CHMP3: variants seen among roughly 807,000 people sequenced by gnomAD.
CHMP3 encodes charged multivesicular body protein 3.
In CHMP3, 8 loss-of-function variants were observed where a neutral mutation model predicts 27.4. The observed-to-expected ratio is 0.29, with a 90% CI of 0.17 to 0.53. The LOEUF is 0.53. CHMP3 is among the 20% of genes least tolerant of loss of function. The pLI is 0.96. For missense variants in CHMP3, 208 were observed against 271.5 expected (o/e 0.77, Z 1.64); for synonymous variants, 86 against 85.5 (o/e 1.01, Z -0.03).
At chr2:86,524,847 T>C (rs1370116009) in intron 3 of CHMP3, among the ~76,000 whole-genome samples, 1 of 152,234 alleles carries the variant, frequency 6.6e-6, no homozygotes, top group East Asian at 1.9e-4. Context: ...ATATGCTTAA[T>C]ATTTCCATAA....
At chr2:86,510,277 C>CCCCCCCA in intron 4 of CHMP3, 81 bp downstream of exon 4, 10 of 1,118,940 alleles carry the variant, frequency 8.9e-6, no homozygotes, top group South Asian at 1.3e-5. Context: ...CATCCCCACC[C>CCCCCCCA]ACCCTCATCC....
chr2:86,554,816 C>CGTGTGTGTGT (rs70956121), intron 1 of CHMP3, among the ~76,000 whole-genome samples: 87 of 145,422 alleles, frequency 6.0e-4, no homozygotes, highest in Middle Eastern at 3.5e-3. Flanking sequence ...TGTGTGCGCG[C>CGTGTGTGTGT]GTGTGTGTGT....
chr2:86,506,538 T>C (rs146000419), intron 5 of CHMP3, among the ~76,000 whole-genome samples: 1 of 152,310 alleles, frequency 6.6e-6, no homozygotes, highest in Non-Finnish European at 1.5e-5. Context: ...AACGAGTATA[T>C]TTCTATACCA....
At chr2:86,554,560 G>C (rs1459525642) in intron 1 of CHMP3, among the ~76,000 whole-genome samples, 1 of 152,152 alleles carries the variant, frequency 6.6e-6, no homozygotes, top group Admixed American at 6.5e-5. Context: ...AAGTGCTAGA[G>C]AAGAATATAA....
chr2:86,510,683 A>G, intron 3 of CHMP3: 1 of 659,226 alleles, frequency 1.5e-6, no homozygotes, highest in Non-Finnish European at 2.4e-6. Context: ...ACTGATGTGA[A>G]TTCAATGAGC....
At chr2:86,562,052 A>T (rs548264699) in intron 1 of CHMP3, 1 of 152,336 alleles carries the variant, frequency 6.6e-6, no homozygotes, top group South Asian at 2.1e-4. Flanking sequence ...TTATACCGTT[A>T]TTTCATTTAA....
Position 86,505,814 on chromosome 2 carries a change from A to C in CHMP3, c.659T>G (p.Leu220Arg), listed in dbSNP as rs1432424342. 5 of 1,585,246 alleles carry C rather than the reference A, an allele frequency of 3.2e-6. No individual in the cohort carries two copies. The East Asian group carries it at 1.2e-4, about 37-fold the overall frequency. The change falls in exon 6 of 6, where the codon CTC becomes CGC. Residue 220 changes from leucine (L) to arginine (R), a missense_variant. Coordinates refer to ENST00000263856, the MANE Select transcript of CHMP3 (RefSeq NM_016079.4). ...LEAMQSRLAT[L>R]RS ...CGGGGTAGGCAGCCCCTAGCTGCGGAGTGTGGCCAGCCGGGACTGCATGGC... is the reference window on the plus strand; with the variant it reads ...CGGGGTAGGCAGCCCCTAGCTGCGGCGTGTGGCCAGCCGGGACTGCATGGC...
intron 1 of CHMP3, among the ~76,000 whole-genome samples, chr2:86,560,491 T>A (rs1677307982): frequency 6.6e-6 from 1 of 151,278 alleles, no homozygotes; most frequent in Non-Finnish European, 1.5e-5. Context: ...TTCTCACTCA[T>A]AAGTGGGAAT....
intron 2 of CHMP3, among the ~76,000 whole-genome samples, chr2:86,538,460 C>T (rs1213702002): frequency 6.6e-6 from 1 of 152,064 alleles, no homozygotes; most frequent in Non-Finnish European, 1.5e-5. Flanking sequence ...AAATCAGCAG[C>T]AAGACTAGTA....
At chr2:86,530,651 T>TC (rs1172697219) in intron 2 of CHMP3, among the ~76,000 whole-genome samples, 2 of 152,206 alleles carry the variant, frequency 1.3e-5, no homozygotes, top group Non-Finnish European at 2.9e-5. Context: ...TGTACAAATG[T>TC]CTTTGAGACC....
chr2:86,534,512 CCT>C (rs1325279747), intron 2 of CHMP3, among the ~76,000 whole-genome samples: 2 of 152,112 alleles, frequency 1.3e-5, no homozygotes, highest in Admixed American at 1.3e-4. Flanking sequence ...CTTCAAGTCC[CCT>C]GTTTTCCTAC....
chr2:86,546,439 T>C (rs1252574589), intron 1 of CHMP3, among the ~76,000 whole-genome samples: 1 of 122,594 alleles, frequency 8.2e-6, no homozygotes, highest in African/African-American at 3.1e-5. Flanking sequence ...GAAGTTGGAC[T>C]TTTTTTTTTT....
intron 3 of CHMP3, among the ~76,000 whole-genome samples, chr2:86,522,668 T>G (rs911622522): frequency 6.6e-6 from 1 of 152,190 alleles, no homozygotes; most frequent in Non-Finnish European, 1.5e-5. Flanking sequence ...TTCTTCTGTC[T>G]TCTACTCCAT....
chr2:86,529,377 TTTC>T lies in CHMP3; in HGVS notation c.124_126del (p.Glu42del), dbSNP rs754346417. The T allele has an allele frequency of 3.1e-6, 5 of 1,600,688 alleles. No homozygotes were observed. Among genetic ancestry groups the T allele is most frequent in the Non-Finnish European group, 4.3e-6 (5 of 1,175,490 alleles). ...GCATCTTTCACAGATCGTTTCACTT[TTTC>T]TTCTTCTCTTTGGATATCTAAATTT... On this transcript the variant is annotated inframe_deletion, in exon 3 of 6. Transcript: ENST00000263856.
intron 2 of CHMP3, among the ~76,000 whole-genome samples, chr2:86,541,739 G>A (rs1412277799): frequency 1.3e-5 from 2 of 152,060 alleles, no homozygotes; most frequent in Admixed American, 6.6e-5. Context: ...GGCTGGGAGT[G>A]GAATTTCCCT....
chr2:86,534,965 A>G (rs551338771), intron 2 of CHMP3, among the ~76,000 whole-genome samples: 3 of 152,268 alleles, frequency 2.0e-5, no homozygotes, highest in African/African-American at 7.2e-5. Context: ...CATTCAAAGT[A>G]ATTACTGTGG....
chr2:86,546,035 G>A (rs1433306511), intron 1 of CHMP3, among the ~76,000 whole-genome samples: 5 of 152,318 alleles, frequency 3.3e-5, no homozygotes, highest in South Asian at 4.1e-4. Context: ...AGGTTGTAGC[G>A]AGCTGAGATC....
Position 86,529,256 on chromosome 2 carries a change from T to G in CHMP3, c.248A>C (p.His83Pro). ...AVSKLYASKA[H>P]MNSVLMGMKN... ...CATCCCCATGAGCACTGAGTTCATGTGTGCTTTGGATGCATACAGCTTGCT... is the reference window on the plus strand; with the variant it reads ...CATCCCCATGAGCACTGAGTTCATGGGTGCTTTGGATGCATACAGCTTGCT... Residue 83 changes from histidine (H) to proline (P), a missense_variant, in exon 3 of 6, where the codon CAC becomes CCC. By Grantham distance (77) the His-to-Pro change is moderately conservative (BLOSUM62 -2). Around this residue, in one of 3 missense-constraint regions of CHMP3, gnomAD observed 94 missense variants for 159.6 expected, o/e 0.59. Transcript: ENST00000263856. The G allele has an allele frequency of 6.2e-7, 1 of 1,612,324 alleles. No individual in the cohort carries two copies. The highest frequency in any genetic ancestry group is 8.5e-7 in the Non-Finnish European group (1 of 1,179,316).
chr2:86,526,591 G>A (rs907973038), intron 3 of CHMP3, among the ~76,000 whole-genome samples: 7 of 151,488 alleles, frequency 4.6e-5, no homozygotes, highest in African/African-American at 1.5e-4. Flanking sequence ...ATCAAAAGGG[G>A]AACAGAAAAA....
Sources: gnomAD v4.1 joint callset for allele counts (sites outside exome capture counted in the v4.1 genomes callset) on GRCh38, gnomAD v4.1.1 for gene constraint, gnomAD v4.1.1 regional missense constraint, MANE v1.5 for transcripts, NCBI Gene and HGNC (gene_info 2026-07-23, HGNC 2026-07-21) for gene names.